ZNF804A: variants seen among roughly 807,000 people sequenced by gnomAD.
ZNF804A encodes zinc finger protein 804A.
In ZNF804A, 2 loss-of-function variants were observed where a neutral mutation model predicts 16.5. That is an observed-to-expected ratio of 0.12 (90% confidence interval 0.05 to 0.38). The LOEUF is 0.38. ZNF804A is among the 10% of genes least tolerant of loss of function. The pLI is 0.99. For synonymous variants in ZNF804A, 534 were observed against 489.6 expected, an observed-to-expected ratio of 1.09 and a Z score of -1.20; for missense variants, 1,473 against 1,390.7, an observed-to-expected ratio of 1.06 and a Z score of -0.94.
intron 1 of ZNF804A, among the ~76,000 whole-genome samples, chr2:184,797,127 G>A (rs72903757): frequency 0.09 from 13,638 of 151,928 alleles, 747 homozygotes; most frequent in African/African-American, 0.15. Context: ...TGTTCTGTAT[G>A]TATCTGATGA....
chr2:184,826,059 T>C (rs1476742746), intron 1 of ZNF804A, among the ~76,000 whole-genome samples: 7 of 151,870 alleles, frequency 4.6e-5, no homozygotes, highest in Non-Finnish European at 1.0e-4. Flanking sequence ...ATTTATTTTG[T>C]ATTTTTAGTA....
At chr2:184,689,922 T>C (rs1224409824) in intron 1 of ZNF804A, among the ~76,000 whole-genome samples, 1 of 151,982 alleles carries the variant, frequency 6.6e-6, no homozygotes, top group Non-Finnish European at 1.5e-5. Context: ...AGCCATTAGA[T>C]GACATAATTT....
intron 1 of ZNF804A, among the ~76,000 whole-genome samples, chr2:184,603,312 T>A (rs1159481770): frequency 2.6e-4 from 39 of 152,154 alleles, no homozygotes; most frequent in Admixed American, 2.6e-3. Flanking sequence ...AAAAATATAT[T>A]CACATCTTTT....
intron 1 of ZNF804A, among the ~76,000 whole-genome samples, chr2:184,698,706 C>T (rs987827460): frequency 6.6e-6 from 1 of 151,870 alleles, no homozygotes; most frequent in African/African-American, 2.4e-5. Context: ...TCAGGTAGAC[C>T]CAAATTCTCT....
intron 1 of ZNF804A, among the ~76,000 whole-genome samples, chr2:184,761,115 T>C (rs1345948029): frequency 2.0e-5 from 3 of 152,146 alleles, no homozygotes; most frequent in Non-Finnish European, 2.9e-5. Flanking sequence ...GGAACTTAAA[T>C]TAGTTTTACT....
chr2:184,739,759 A>T (rs1418582909), intron 1 of ZNF804A, among the ~76,000 whole-genome samples: 1 of 151,824 alleles, frequency 6.6e-6, no homozygotes. Context: ...ATACACAACC[A>T]CTCAATGTCC....
chr2:184,640,097 A>C (rs758537407), intron 1 of ZNF804A, among the ~76,000 whole-genome samples: 12 of 152,214 alleles, frequency 7.9e-5, no homozygotes, highest in Admixed American at 7.2e-4. Flanking sequence ...ATAATTCTAT[A>C]CTTTGGAACT....
chr2:184,622,576 A>G (rs1242438746), intron 1 of ZNF804A, among the ~76,000 whole-genome samples: 2 of 151,872 alleles, frequency 1.3e-5, no homozygotes, highest in African/African-American at 4.8e-5. Flanking sequence ...AATTTATGCC[A>G]TATATATACA....
chr2:184,677,757 A>C (rs1230891306), intron 1 of ZNF804A, among the ~76,000 whole-genome samples: 1 of 152,054 alleles, frequency 6.6e-6, no homozygotes, highest in Non-Finnish European at 1.5e-5. Context: ...AGCACATTGC[A>C]GTGGGAGAAA....
chr2:184,899,546 T>C (rs746740053), intron 2 of ZNF804A, among the ~76,000 whole-genome samples: 15 of 151,978 alleles, frequency 9.9e-5, no homozygotes, highest in Non-Finnish European at 2.2e-4. Flanking sequence ...AAGTAGAAAA[T>C]GTTAGTTGAA....
At chr2:184,795,622 T>G (rs989971097) in intron 1 of ZNF804A, among the ~76,000 whole-genome samples, 3 of 151,788 alleles carry the variant, frequency 2.0e-5, no homozygotes, top group Non-Finnish European at 4.4e-5. Context: ...AAAAGATAAA[T>G]GAAACAAAAA....
chr2:184,859,513 A>G (rs1298895688), intron 1 of ZNF804A, among the ~76,000 whole-genome samples: 1 of 151,416 alleles, frequency 6.6e-6, no homozygotes, highest in East Asian at 1.9e-4. Flanking sequence ...CATTTTATTT[A>G]CTCATTTTTC....
At chr2:184,632,498 C>T (rs567005441) in intron 1 of ZNF804A, among the ~76,000 whole-genome samples, 21 of 152,268 alleles carry the variant, frequency 1.4e-4, no homozygotes, top group Non-Finnish European at 2.5e-4. Context: ...TGGGTCCAAG[C>T]AATTCTCCCA....
At chr2:184,646,844 C>T (rs1691884298) in intron 1 of ZNF804A, among the ~76,000 whole-genome samples, 1 of 152,248 alleles carries the variant, frequency 6.6e-6, no homozygotes, top group African/African-American at 2.4e-5. Context: ...GGTGTTTCCT[C>T]CTGCCATCAG....
intron 1 of ZNF804A, among the ~76,000 whole-genome samples, chr2:184,642,484 A>G (rs1438771874): frequency 6.6e-6 from 1 of 152,200 alleles, no homozygotes; most frequent in Non-Finnish European, 1.5e-5. Context: ...GGCTCTTTGT[A>G]TCAACATCTT....
intron 1 of ZNF804A, among the ~76,000 whole-genome samples, chr2:184,607,469 G>T (rs1315379261): frequency 6.6e-6 from 1 of 151,958 alleles, no homozygotes; most frequent in Non-Finnish European, 1.5e-5. Context: ...CTTATAAAAG[G>T]CCTTTATAAG....
chr2:184,931,218 G>A (rs532894304), intron 2 of ZNF804A, among the ~76,000 whole-genome samples: 3 of 152,312 alleles, frequency 2.0e-5, no homozygotes, highest in Non-Finnish European at 4.4e-5. Context: ...GGAGGACAGT[G>A]GCCATCTTCT....
chr2:184,870,075 A>G (rs1415741742), intron 2 of ZNF804A, among the ~76,000 whole-genome samples: 1 of 151,998 alleles, frequency 6.6e-6, no homozygotes, highest in African/African-American at 2.4e-5. Flanking sequence ...TCTTTCTTAC[A>G]TGCCCTTATC....
At chr2:184,644,642 C>G (rs979570433) in intron 1 of ZNF804A, among the ~76,000 whole-genome samples, 2 of 151,712 alleles carry the variant, frequency 1.3e-5, no homozygotes, top group African/African-American at 4.8e-5. Flanking sequence ...CTTCTTTGTT[C>G]GTTCTTAAAC....
Sources: allele counts gnomAD v4.1 joint callset (sites outside exome capture counted in the v4.1 genomes callset), GRCh38; gene constraint gnomAD v4.1.1; transcripts MANE v1.5; gene names NCBI Gene and HGNC (gene_info 2026-07-23, HGNC 2026-07-21).